Variants in KCNIP4 observed in about 807,000 individuals in gnomAD.
KCNIP4 encodes the protein Kv channel-interacting protein 4.
A neutral mutation model predicts 34.0 loss-of-function variants in KCNIP4; 12 were observed. The observed-to-expected ratio is 0.35, with a 90% CI of 0.23 to 0.57. The LOEUF is 0.57. Ranked by LOEUF, KCNIP4 falls within the 20% of genes least tolerant of loss-of-function variation. KCNIP4 has a pLI of 0.83. For synonymous variants in KCNIP4, 124 were observed against 102.2 expected (o/e 1.21, Z -1.29); for missense variants, 238 against 311.7 (o/e 0.76, Z 1.78).
At chr4:21,348,383 G>C (rs571016002) in intron 1 of KCNIP4, among the ~76,000 whole-genome samples, 2 of 152,220 alleles carry the variant, frequency 1.3e-5, no homozygotes, top group South Asian at 4.2e-4. Context: ...TCAGAGTGTT[G>C]GCAAATAGCT....
intron 1 of KCNIP4, among the ~76,000 whole-genome samples, chr4:20,933,935 A>C (rs1730768106): frequency 6.6e-6 from 1 of 152,178 alleles, no homozygotes; most frequent in African/African-American, 2.4e-5. Context: ...CTTCTCAATC[A>C]ATGTGATATA....
At chr4:21,640,589 C>A (rs1350874939) in intron 1 of KCNIP4, among the ~76,000 whole-genome samples, 3 of 150,432 alleles carry the variant, frequency 2.0e-5, no homozygotes, top group Non-Finnish European at 4.4e-5. Context: ...CATGTTCCAG[C>A]CAACCAACCA....
At chr4:20,974,495 G>C (rs1247926910) in intron 1 of KCNIP4, among the ~76,000 whole-genome samples, 3 of 152,152 alleles carry the variant, frequency 2.0e-5, no homozygotes, top group Non-Finnish European at 4.4e-5. Context: ...TAAGCCAGGA[G>C]TTTGAAACTG....
intron 1 of KCNIP4, among the ~76,000 whole-genome samples, chr4:21,366,283 C>T (rs1719754785): frequency 6.6e-6 from 1 of 152,150 alleles, no homozygotes; most frequent in Non-Finnish European, 1.5e-5. Context: ...ATAAAAAAAA[C>T]ATACTCCAGC....
intron 2 of KCNIP4, 48 bp from the exon 3 acceptor site, chr4:20,850,715 G>A (rs926238518): frequency 1.3e-5 from 20 of 1,595,726 alleles, no homozygotes; most frequent in Admixed American, 1.0e-4. Context: ...ACTGCTCACC[G>A]ATGCTTACAC....
intron 1 of KCNIP4, among the ~76,000 whole-genome samples, chr4:21,855,304 G>A (rs565179550): frequency 6.6e-6 from 1 of 152,322 alleles, no homozygotes; most frequent in African/African-American, 2.4e-5. Flanking sequence ...AGTGACTGCA[G>A]TCTGACCTCC....
chr4:21,925,970 C>G (rs924655721), intron 1 of KCNIP4, among the ~76,000 whole-genome samples: 1 of 152,144 alleles, frequency 6.6e-6, no homozygotes, highest in Non-Finnish European at 1.5e-5. Context: ...TCCTCAATGT[C>G]TTAATCTTCA....
intron 1 of KCNIP4, among the ~76,000 whole-genome samples, chr4:21,494,376 A>G (rs1056248631): frequency 1.6e-4 from 24 of 151,434 alleles, no homozygotes; most frequent in African/African-American, 4.8e-4. Context: ...ATCTAATGGG[A>G]AAAAAAAAGA....
In KCNIP4 at chr4:21,509,032, G is replaced by A. The variant is rs188387526; in HGVS notation, c.61+439539C>T. Among the ~76,000 whole-genome samples the A allele has an allele frequency of 5.7e-4, 86 of 152,146 alleles. No homozygotes were observed. The East Asian group carries it at 8.3e-3, about 15-fold the overall frequency. ...CCTCCCCTCGGAGCTGATTTCATAG[G>A]GTTTTTCCCCTCATAGGTCACTATT... On this transcript the variant is annotated intron_variant, in intron 1 of 8. Coordinates refer to ENST00000382152, the MANE Select transcript of KCNIP4 (RefSeq NM_025221.6).
chr4:21,935,582 G>T (rs1295811230), intron 1 of KCNIP4, among the ~76,000 whole-genome samples: 2 of 151,952 alleles, frequency 1.3e-5, no homozygotes, highest in Non-Finnish European at 2.9e-5. Context: ...AGTCACCCCA[G>T]AGTGACCTCC....
At chr4:20,818,924 T>G (rs1463166265) in intron 3 of KCNIP4, among the ~76,000 whole-genome samples, 2 of 140,796 alleles carry the variant, frequency 1.4e-5, no homozygotes, top group Non-Finnish European at 3.1e-5. Context: ...TTATCTCTTT[T>G]TTTTTTTTTT....
chr4:21,385,141 T>A (rs16870989), intron 1 of KCNIP4, among the ~76,000 whole-genome samples: 41,971 of 152,142 alleles, frequency 0.28, 6,660 homozygotes, highest in East Asian at 0.41. Flanking sequence ...CAAAGGGTAA[T>A]GGCATTCAGA....
chr4:20,910,500 T>C (rs1248436097), intron 1 of KCNIP4, among the ~76,000 whole-genome samples: 1 of 152,190 alleles, frequency 6.6e-6, no homozygotes, highest in Non-Finnish European at 1.5e-5. Flanking sequence ...AACATGGGGC[T>C]GAACATGACA....
At chr4:21,551,009 A>G (rs1031218988) in intron 1 of KCNIP4, among the ~76,000 whole-genome samples, 2 of 152,122 alleles carry the variant, frequency 1.3e-5, no homozygotes, top group Non-Finnish European at 2.9e-5. Flanking sequence ...ATCCAATTAC[A>G]TTCTTGAAGA....
chr4:21,923,990 G>C (rs1201565444), intron 1 of KCNIP4, among the ~76,000 whole-genome samples: 2 of 152,172 alleles, frequency 1.3e-5, no homozygotes, highest in Non-Finnish European at 2.9e-5. Flanking sequence ...AGAGAGTCAG[G>C]TATAGGTCAG....
chr4:21,139,389 T>A (rs911182821), intron 1 of KCNIP4, among the ~76,000 whole-genome samples: 1 of 152,212 alleles, frequency 6.6e-6, no homozygotes, highest in Middle Eastern at 3.2e-3. Flanking sequence ...AATGCCAACA[T>A]GTTTTTGAGC....
intron 1 of KCNIP4, among the ~76,000 whole-genome samples, chr4:21,126,617 C>CAAAAAGAAA (rs1750632217): frequency 1.2e-5 from 1 of 82,066 alleles, no homozygotes; most frequent in African/African-American, 4.3e-5. Flanking sequence ...AGAGAAATAG[C>CAAAAAGAAA]AAAAAAAAAA....
intron 1 of KCNIP4, among the ~76,000 whole-genome samples, chr4:21,177,879 A>AT (rs1560784829): frequency 1.4e-5 from 2 of 141,312 alleles, no homozygotes; most frequent in Non-Finnish European, 3.0e-5. Context: ...TATATATATA[A>AT]AATATAACAT....
rs1719268607 is a variant in KCNIP4, at chr4:20,837,938, T to TGAGGTGG, written c.288+12604_288+12605insCCACCTC. 3.3e-5 allele frequency among the ~76,000 whole-genome samples: 5 copies of TGAGGTGG among 151,734 alleles called. No homozygotes were observed. The South Asian group carries it at 1.0e-3, about 32-fold the overall frequency. On this transcript the variant is annotated intron_variant, in intron 3 of 8. Transcript: ENST00000382152. ...CATGTGACCTCAGGTGATCCACCCA[T>TGAGGTGG]CTCAGCTTCTCAAAGTGCTGGTAAT...
Sources: allele counts gnomAD v4.1 joint callset (sites outside exome capture counted in the v4.1 genomes callset), GRCh38; gene constraint gnomAD v4.1.1; transcripts MANE v1.5; gene names NCBI Gene and HGNC (gene_info 2026-07-23, HGNC 2026-07-21).